RNLS: variants seen among roughly 807,000 people sequenced by gnomAD.
RNLS encodes the protein renalase.
A neutral mutation model predicts 39.8 loss-of-function variants in RNLS; 39 were observed. The ratio of observed to expected loss-of-function variants is 0.98; its 90% confidence interval spans 0.76 to 1.28. The LOEUF is 1.28. Ranked by LOEUF, RNLS falls within the 50% of genes most tolerant of loss-of-function variation. The pLI, the probability that RNLS is intolerant of heterozygous loss-of-function variation, is 0.00. For missense variants in RNLS, 410 were observed against 413.3 expected, an observed-to-expected ratio of 0.99 and a Z score of 0.07; for synonymous variants, 147 against 150.7, an observed-to-expected ratio of 0.98 and a Z score of 0.18.
At chr10:88,493,659 G>A (rs1259291136) in intron 4 of RNLS, among the ~76,000 whole-genome samples, 1 of 152,074 alleles carries the variant, frequency 6.6e-6, no homozygotes, top group Non-Finnish European at 1.5e-5. Context: ...TATGAACTTA[G>A]GGGCTTTTTT....
the RNLS span, among the ~76,000 whole-genome samples, chr10:88,267,153 C>T: frequency 6.6e-6 from 1 of 152,010 alleles, no homozygotes; most frequent in South Asian, 2.1e-4. Context: ...TGCAGAGGAC[C>T]CAAATTAATA....
chr10:88,569,174 G>T (rs1160197999), intron 4 of RNLS, among the ~76,000 whole-genome samples: 1 of 152,116 alleles, frequency 6.6e-6, no homozygotes, highest in Admixed American at 6.5e-5. Flanking sequence ...ATTTTTCTAA[G>T]AAACTTTTGT....
the RNLS span, among the ~76,000 whole-genome samples, chr10:88,234,685 C>T: frequency 4.6e-5 from 7 of 152,088 alleles, no homozygotes; most frequent in East Asian, 1.9e-4. Context: ...AGATAAGGTC[C>T]GTCCTGAGTT....
intron 4 of RNLS, among the ~76,000 whole-genome samples, chr10:88,511,496 A>AG (rs1313725149): frequency 6.6e-6 from 1 of 152,168 alleles, no homozygotes; most frequent in Non-Finnish European, 1.5e-5. Context: ...ACTGGAGTTC[A>AG]GGGGAGATAC....
chr10:88,263,449 G>A, the RNLS span, among the ~76,000 whole-genome samples: 4 of 152,100 alleles, frequency 2.6e-5, no homozygotes, highest in Admixed American at 2.6e-4. Flanking sequence ...ACAATCAAAA[G>A]TAGATTTACT....
At chr10:88,187,649 G>C in the RNLS span, among the ~76,000 whole-genome samples, 1 of 152,184 alleles carries the variant, frequency 6.6e-6, no homozygotes, top group Non-Finnish European at 1.5e-5. Flanking sequence ...AAGTGGTCTG[G>C]TGGGATTGAG....
intron 5 of RNLS, among the ~76,000 whole-genome samples, chr10:88,359,313 TA>T (rs60973757): frequency 0.82 from 121,280 of 147,456 alleles, 49,782 homozygotes; most frequent in African/African-American, 0.86. Flanking sequence ...GAAACTACAT[TA>T]AAAAAAAAAA....
chr10:88,240,413 T>A, the RNLS span, among the ~76,000 whole-genome samples: 10 of 150,144 alleles, frequency 6.7e-5, no homozygotes, highest in South Asian at 2.1e-4. Context: ...GTCCTTTTTT[T>A]AAAAAAAAAA....
chr10:88,388,901 A>T (rs1852025639), intron 4 of RNLS, among the ~76,000 whole-genome samples: 1 of 152,192 alleles, frequency 6.6e-6, no homozygotes, highest in East Asian at 1.9e-4. Flanking sequence ...TAAGTGAATA[A>T]ATATCAGGGA....
chr10:88,566,418 A>G (rs1849506357), intron 4 of RNLS, among the ~76,000 whole-genome samples: 1 of 152,200 alleles, frequency 6.6e-6, no homozygotes, highest in Non-Finnish European at 1.5e-5. Flanking sequence ...TCCCATTTAA[A>G]GATGAGTAAT....
the RNLS span, among the ~76,000 whole-genome samples, chr10:88,253,571 C>A: frequency 6.6e-6 from 1 of 152,186 alleles, no homozygotes; most frequent in Non-Finnish European, 1.5e-5. Flanking sequence ...CCCTGAGAAC[C>A]ATGTGGTGCC....
intron 5 of RNLS, among the ~76,000 whole-genome samples, chr10:88,339,198 G>A (rs1342154679): frequency 6.6e-6 from 1 of 152,166 alleles, no homozygotes; most frequent in Non-Finnish European, 1.5e-5. Flanking sequence ...TATGTGAGGG[G>A]AGCAAGTTAA....
chr10:88,228,122 C>T, the RNLS span, among the ~76,000 whole-genome samples: 6 of 152,250 alleles, frequency 3.9e-5, no homozygotes, highest in African/African-American at 1.4e-4. Context: ...TTTCCATTTT[C>T]CTAGCAAACA....
chr10:88,495,132 A>G (rs1000886877), intron 4 of RNLS, among the ~76,000 whole-genome samples: 1 of 152,166 alleles, frequency 6.6e-6, no homozygotes, highest in Non-Finnish European at 1.5e-5. Flanking sequence ...CTAATTTTAG[A>G]TATGTTAAAC....
intron 6 of RNLS, among the ~76,000 whole-genome samples, chr10:88,305,108 AAAG>A (rs966835406): frequency 1.3e-5 from 2 of 152,152 alleles, no homozygotes; most frequent in Non-Finnish European, 2.9e-5. Flanking sequence ...TCATAAGCTT[AAAG>A]AAGAAGAAGA....
the RNLS span, among the ~76,000 whole-genome samples, chr10:88,242,430 T>C: frequency 6.6e-6 from 1 of 152,254 alleles, no homozygotes; most frequent in Non-Finnish European, 1.5e-5. Context: ...TATAAACTTA[T>C]GCACTATTTA....
intron 4 of RNLS, among the ~76,000 whole-genome samples, chr10:88,381,180 C>CACTT (rs562830473): frequency 5.9e-5 from 9 of 152,282 alleles, no homozygotes; most frequent in African/African-American, 2.2e-4. Flanking sequence ...CCTTGCTTGG[C>CACTT]ACTTAAGTCA....
chr10:88,286,944 C>T (rs570592599), intron 6 of RNLS, among the ~76,000 whole-genome samples: 4 of 151,766 alleles, frequency 2.6e-5, no homozygotes, highest in African/African-American at 9.7e-5. Flanking sequence ...GTGCACACCA[C>T]CATGCCTGAC....
chr10:88,580,840 T>C (rs1349987398), intron 3 of RNLS, among the ~76,000 whole-genome samples: 1 of 152,216 alleles, frequency 6.6e-6, no homozygotes, highest in African/African-American at 2.4e-5. Flanking sequence ...ATTTCCATTA[T>C]ACCCAAATGT....
Sources: allele counts gnomAD v4.1 joint callset (sites outside exome capture counted in the v4.1 genomes callset), GRCh38; gene constraint gnomAD v4.1.1; transcripts MANE v1.5; gene names NCBI Gene and HGNC (gene_info 2026-07-23, HGNC 2026-07-21).